Variants in CRYL1 observed in about 807,000 individuals in gnomAD.
The protein encoded by CRYL1 is lambda-crystallin homolog.
CRYL1 carries 29 observed loss-of-function variants against 36.6 expected under a neutral mutation model. The ratio of observed to expected loss-of-function variants is 0.79; its 90% CI spans 0.59 to 1.08. The LOEUF (loss-of-function observed/expected upper bound fraction) is 1.08. Ranked by LOEUF, CRYL1 falls within the 50% of genes least tolerant of loss-of-function variation. The pLI, the probability that CRYL1 is intolerant of heterozygous loss-of-function variation, is 0.00. For synonymous variants in CRYL1, 152 were observed against 151.5 expected (o/e 1.00, Z -0.02); for missense variants, 411 against 407.9 (o/e 1.01, Z -0.06).
At chr13:20,494,121 C>T (rs1476393386) in intron 2 of CRYL1, among the ~76,000 whole-genome samples, 5 of 152,150 alleles carry the variant, frequency 3.3e-5, no homozygotes, top group Non-Finnish European at 7.3e-5. Context: ...AGTGGCTAAG[C>T]CTTGGAGTCA....
intron 3 of CRYL1, among the ~76,000 whole-genome samples, chr13:20,471,604 C>CAA (rs1314299629): frequency 7.6e-6 from 1 of 131,362 alleles, no homozygotes; most frequent in Non-Finnish European, 1.7e-5. Flanking sequence ...GACTCTGTCT[C>CAA]AAAAAAAAAA....
At chr13:20,508,192 C>G (rs962283339) in intron 2 of CRYL1, among the ~76,000 whole-genome samples, 1 of 151,544 alleles carries the variant, frequency 6.6e-6, no homozygotes, top group Non-Finnish European at 1.5e-5. Flanking sequence ...TCACACCACC[C>G]CACTCCAGCC....
chr13:20,423,422 G>A (rs534994667), intron 5 of CRYL1, among the ~76,000 whole-genome samples: 52 of 152,230 alleles, frequency 3.4e-4, no homozygotes, highest in African/African-American at 1.2e-3. Context: ...CCTTTATCGT[G>A]TTGAGGAACA....
intron 2 of CRYL1, among the ~76,000 whole-genome samples, chr13:20,492,796 G>A (rs1296340144): frequency 6.6e-6 from 1 of 152,182 alleles, no homozygotes; most frequent in African/African-American, 2.4e-5. Context: ...CAGGTATATT[G>A]TTCTGAGGAT....
rs2032204717 is a variant in CRYL1 at position 20,435,941 on chromosome 13, G to A, written c.439-3645C>T. ...ATGGGTAGCCCATCCTCTCGGCGGC[G>A]CGCTCGCAGGGAGGGCTCAAAGGCA... On this transcript the variant is annotated intron_variant, in intron 4 of 7. Coordinates refer to ENST00000298248, the MANE Select transcript of CRYL1 (RefSeq NM_015974.3). This position sits in a 1 kb window ranked among gnomAD's most constrained non-coding sequence, Gnocchi z 4.0. Among the ~76,000 whole-genome samples the A allele has an allele frequency of 6.6e-6, 1 of 152,168 alleles. No homozygotes were observed. Among genetic ancestry groups the A allele is most frequent in the Non-Finnish European group, 1.5e-5 (1 of 68,018 alleles).
chr13:20,466,682 C>CTG (rs57209647), intron 3 of CRYL1, among the ~76,000 whole-genome samples: 2,298 of 129,566 alleles, frequency 0.018, 67 homozygotes, highest in African/African-American at 0.054. Flanking sequence ...TTGGAAAACT[C>CTG]TGTGTGTGTG....
At chr13:20,509,934 A>C (rs1219092388) in intron 2 of CRYL1, among the ~76,000 whole-genome samples, 1 of 152,134 alleles carries the variant, frequency 6.6e-6, no homozygotes, top group Non-Finnish European at 1.5e-5. Context: ...TCTCAAAACA[A>C]AACAAGAAAC....
At chr13:20,449,432 A>G (rs751441650) in intron 3 of CRYL1, among the ~76,000 whole-genome samples, 6 of 152,228 alleles carry the variant, frequency 3.9e-5, no homozygotes, top group Non-Finnish European at 8.8e-5. Flanking sequence ...TGAAGATAAA[A>G]TAGAACCATA....
At chr13:20,499,293 C>G (rs1458586719) in intron 2 of CRYL1, among the ~76,000 whole-genome samples, 1 of 150,026 alleles carries the variant, frequency 6.7e-6, no homozygotes, top group Non-Finnish European at 1.5e-5. Flanking sequence ...CTGTAGTGAG[C>G]CAAGATCGCA....
intron 2 of CRYL1, among the ~76,000 whole-genome samples, chr13:20,506,792 T>A (rs1025419544): frequency 1.3e-5 from 2 of 152,176 alleles, no homozygotes; most frequent in South Asian, 2.1e-4. Flanking sequence ...GCGAGCAAAC[T>A]ACAGCCCACA....
intron 3 of CRYL1, among the ~76,000 whole-genome samples, chr13:20,462,903 G>GT (rs2137434485): frequency 6.6e-6 from 1 of 152,274 alleles, no homozygotes; most frequent in African/African-American, 2.4e-5. Context: ...ATCATTACTA[G>GT]TATCTCCCAG....
At chr13:20,511,660 T>C (rs1437898396) in intron 2 of CRYL1, among the ~76,000 whole-genome samples, 2 of 152,176 alleles carry the variant, frequency 1.3e-5, no homozygotes, top group Non-Finnish European at 2.9e-5. Flanking sequence ...ATAAGGATAA[T>C]AACCAGCTAA....
intron 2 of CRYL1, among the ~76,000 whole-genome samples, chr13:20,493,088 G>A (rs1354728546): frequency 6.6e-6 from 1 of 152,216 alleles, no homozygotes; most frequent in African/African-American, 2.4e-5. Flanking sequence ...TTCCCATCTT[G>A]CACAGACTCG....
rs115399041 is a variant in CRYL1, at chr13:20,499,065, G to A, written c.150-9569C>T. 7.1e-3 allele frequency among the ~76,000 whole-genome samples: 1,084 copies of A among 152,272 alleles called. 11 individuals carry two copies. The highest frequency in any genetic ancestry group is 0.024 in the African/African-American group (1,014 of 41,566). ...GTGTTATGTTAGAATTATTTAAGCC[G>A]GGCATGGTGGCTCTTGCCTGTAATT... On this transcript the variant is annotated intron_variant, in intron 2 of 7. Coordinates refer to ENST00000298248, the MANE Select transcript of CRYL1 (RefSeq NM_015974.3).
At chr13:20,412,574 T>C (rs1040753050) in intron 6 of CRYL1, among the ~76,000 whole-genome samples, 1 of 152,200 alleles carries the variant, frequency 6.6e-6, no homozygotes, top group African/African-American at 2.4e-5. Flanking sequence ...TTTGTTTTAA[T>C]TTGCTATAGG....
At chr13:20,431,314 C>G in intron 5 of CRYL1, 1 of 985,452 alleles carries the variant, frequency 1.0e-6, no homozygotes, top group Non-Finnish European at 1.2e-6. Context: ...GTCCTCCCTA[C>G]GCGGTGCAGC....
intron 3 of CRYL1, among the ~76,000 whole-genome samples, chr13:20,477,162 A>G (rs1409538502): frequency 6.6e-6 from 1 of 152,148 alleles, no homozygotes; most frequent in Non-Finnish European, 1.5e-5. Flanking sequence ...CTCCGTCTCA[A>G]AAACAGCAAC....
chr13:20,425,670 G>A lies in CRYL1; in HGVS notation c.633+6432C>T, dbSNP rs370465193. Among the ~76,000 whole-genome samples the A allele has an allele frequency of 2.4e-4, 36 of 152,276 alleles. No homozygotes were observed. In the Middle Eastern group the frequency reaches 0.01, roughly 43 times the overall value. ...TAGCACATGTGAGAGAAATGTAAGC[G>A]GTAGTTACAGCAGCAAATTTAAACA... On this transcript the variant is annotated intron_variant, in intron 5 of 7. Coordinates refer to ENST00000298248, the MANE Select transcript of CRYL1 (RefSeq NM_015974.3). This position sits in a 1 kb window ranked among gnomAD's most constrained non-coding sequence, Gnocchi z 4.4.
intron 6 of CRYL1, among the ~76,000 whole-genome samples, chr13:20,407,552 C>T (rs2031409286): frequency 6.6e-6 from 1 of 152,168 alleles, no homozygotes. Context: ...TACAACACAG[C>T]CCACTTCACT....
Sources: gnomAD v4.1 joint callset for allele counts (sites outside exome capture counted in the v4.1 genomes callset) on GRCh38, gnomAD v4.1.1 for gene constraint, Gnocchi (gnomAD v3.1) non-coding constraint, MANE v1.5 for transcripts, NCBI Gene and HGNC (gene_info 2026-07-23, HGNC 2026-07-21) for gene names.